The following PCYT1B variants were observed in gnomAD, a reference collection of about 807,000 sequenced individuals.
PCYT1B encodes the protein phosphate cytidylyltransferase 1B, choline.
Under a neutral mutation model 26.4 loss-of-function variants are expected in PCYT1B, and 10 were observed. The observed-to-expected ratio is 0.38, with a 90% CI of 0.23 to 0.64. The LOEUF (loss-of-function observed/expected upper bound fraction) is 0.64, where lower values mean the gene tolerates loss of function less well. Ranked by LOEUF, PCYT1B falls within the 30% of genes least tolerant of loss-of-function variation. The pLI, the probability that PCYT1B is intolerant of heterozygous loss-of-function variation, is 0.56. For missense variants in PCYT1B, 161 were observed against 292.7 expected (o/e 0.55, Z 3.28); for synonymous variants, 131 against 108.4 (o/e 1.21, Z -1.29).
At chrX:24,661,383 T>C (rs1927026224) in intron 1 of PCYT1B, among the ~76,000 whole-genome samples, 1 of 112,132 alleles carries the variant, frequency 8.9e-6, no homozygotes, top group Non-Finnish European at 1.9e-5. Context: ...GGTAATGAAT[T>C]ATGTCCACTT....
Position 24,560,954 on chromosome X carries a change from T to A in PCYT1B, c.*1339A>T, listed in dbSNP as rs962712981. ...TCAGCAGGAACACTTAGAGTCTTCA[T>A]CCTACTTGGCAAACCTAGGGCCAGA... On this transcript the variant is annotated 3_prime_UTR_variant, in exon 8 of 8. Coordinates refer to ENST00000379144, the MANE Select transcript of PCYT1B (RefSeq NM_004845.5). 2 of 112,134 alleles carry A rather than the reference T, an allele frequency of 1.8e-5. No homozygotes were observed. The highest frequency in any genetic ancestry group is 3.2e-5 in the African/African-American group (1 of 30,790). 9.2% of individuals were successfully genotyped at this position (112,134 alleles called of 1,213,427 possible). A position where few individuals can be genotyped will look rare whatever the true frequency, so the allele number is the denominator to read the frequency against.
upstream of PCYT1B, among the ~76,000 whole-genome samples, chrX:24,648,467 T>TTTTTTTTC (rs1926696005): frequency 1.1e-5 from 1 of 91,972 alleles, no homozygotes; most frequent in African/African-American, 4.1e-5. Context: ...TTTTTTTTTT[T>TTTTTTTTC]TTTTTTTTGC....
intron 1 of PCYT1B, among the ~76,000 whole-genome samples, chrX:24,656,233 G>GGC (rs1238975913): frequency 5.0e-5 from 5 of 100,591 alleles, no homozygotes; most frequent in South Asian, 4.9e-4. Flanking sequence ...GGGTCGCGGG[G>GGC]GGGGGTGGTA....
intron 1 of PCYT1B, among the ~76,000 whole-genome samples, chrX:24,667,629 A>G (rs996464761): frequency 9.1e-5 from 10 of 110,039 alleles, no homozygotes; most frequent in African/African-American, 3.3e-4. Context: ...AGGCAGGAGA[A>G]TCGCTTGAAC....
intron 1 of PCYT1B, among the ~76,000 whole-genome samples, chrX:24,669,202 G>A (rs930491170): frequency 5.4e-5 from 6 of 111,762 alleles, no homozygotes; most frequent in Middle Eastern, 4.2e-3. Context: ...GAATAGTCAC[G>A]AGCCACATAT....
chrX:24,630,956 A>T (rs1489249484), intron 1 of PCYT1B, among the ~76,000 whole-genome samples: 5 of 110,611 alleles, frequency 4.5e-5, no homozygotes, highest in Admixed American at 1.9e-4. Context: ...GGAGTCTTGC[A>T]TTGTTGCCCA....
intron 1 of PCYT1B, among the ~76,000 whole-genome samples, chrX:24,667,716 C>CA (rs760826061): frequency 4.4e-4 from 43 of 96,853 alleles, no homozygotes; most frequent in South Asian, 1.4e-3. Context: ...GACTCCATCT[C>CA]AAAAAAAAAA....
chrX:24,593,441 C>CTTTCTTTCT (rs1924648307), intron 3 of PCYT1B, among the ~76,000 whole-genome samples: 1 of 56,760 alleles, frequency 1.8e-5, no homozygotes, highest in East Asian at 5.0e-4. Context: ...TCCTTTCTTT[C>CTTTCTTTCT]TTTCTTTTCT....
chrX:24,630,212 T>TA (rs1926023215), intron 1 of PCYT1B, among the ~76,000 whole-genome samples: 2 of 112,516 alleles, frequency 1.8e-5, no homozygotes, highest in African/African-American at 6.4e-5. Context: ...GAGGTGATTT[T>TA]AAAAATAAAA....
At chrX:24,619,474 C>T (rs1163563170) in intron 1 of PCYT1B, among the ~76,000 whole-genome samples, 4 of 111,834 alleles carry the variant, frequency 3.6e-5, no homozygotes, top group African/African-American at 6.5e-5. Context: ...TTAAGAAATA[C>T]GCCAAGTCAT....
rs996756359 is a variant in PCYT1B, at chrX:24,621,152, C to A, written c.118-2068G>T. On this transcript the variant is annotated intron_variant, in intron 1 of 7. Coordinates refer to ENST00000379144, the MANE Select transcript of PCYT1B (RefSeq NM_004845.5). ...GTCAGGCGCCCACCCTGGGGCCCAACAGATGTGGTGAGGAAAGTCATGAGT... is the reference window on the plus strand; with the variant it reads ...GTCAGGCGCCCACCCTGGGGCCCAAAAGATGTGGTGAGGAAAGTCATGAGT... 3.1e-4 allele frequency among the ~76,000 whole-genome samples: 35 copies of A among 111,868 alleles called. No individual in the cohort carries two copies. The Admixed American group carries it at 3.3e-3, about 10-fold the overall frequency.
At chrX:24,613,547 C>T (rs935449271) in intron 2 of PCYT1B, among the ~76,000 whole-genome samples, 2 of 111,408 alleles carry the variant, frequency 1.8e-5, no homozygotes, top group South Asian at 3.7e-4. Flanking sequence ...TTCATTAAGG[C>T]GGCTCTTGAA....
chrX:24,572,918 T>TTA (rs371692891), intron 7 of PCYT1B, among the ~76,000 whole-genome samples: 10,727 of 96,053 alleles, frequency 0.11, 653 homozygotes, highest in African/African-American at 0.21. Flanking sequence ...TTTCATCAAA[T>TTA]TATATATATA....
At chrX:24,562,897 T>C (rs1435015392) in intron 7 of PCYT1B, among the ~76,000 whole-genome samples, 2 of 109,861 alleles carry the variant, frequency 1.8e-5, no homozygotes, top group Non-Finnish European at 3.8e-5. Context: ...CCGGCTAATT[T>C]TGTATTTTTA....
chrX:24,624,177 A>G (rs368107004), intron 1 of PCYT1B, among the ~76,000 whole-genome samples: 313 of 109,531 alleles, frequency 2.9e-3, no homozygotes, highest in Middle Eastern at 9.4e-3. Context: ...CACTGTGTTA[A>G]CCAGGATGGT....
chrX:24,660,394 G>A lies in PCYT1B; in HGVS notation c.63+12176C>T, dbSNP rs1255745703. Reference sequence around the variant, plus strand: ...AGAGGCCATGTCAAATGACACTAAGGAGGCCAGGTATGGTGGCTCACGCCT... The same window carrying A: ...AGAGGCCATGTCAAATGACACTAAGAAGGCCAGGTATGGTGGCTCACGCCT... On this transcript the variant is annotated intron_variant, in intron 1 of 7. Transcript: ENST00000379145. 6.3e-5 allele frequency among the ~76,000 whole-genome samples: 7 copies of A among 111,999 alleles called. No individual in the cohort carries two copies. In the Admixed American group the frequency reaches 6.6e-4, roughly 11 times the overall value.
At chrX:24,667,587 G>T (rs1053427537) in intron 1 of PCYT1B, among the ~76,000 whole-genome samples, 2 of 109,935 alleles carry the variant, frequency 1.8e-5, no homozygotes, top group Admixed American at 2.0e-4. Flanking sequence ...CATGGTGGTG[G>T]GTGCCTGTAA....
chrX:24,626,035 A>C (rs1182966019), intron 1 of PCYT1B, among the ~76,000 whole-genome samples: 2 of 109,171 alleles, frequency 1.8e-5, no homozygotes, highest in Non-Finnish European at 3.8e-5. Flanking sequence ...AATTGCTTGA[A>C]CTTGGGAGGC....
intron 1 of PCYT1B, among the ~76,000 whole-genome samples, chrX:24,658,601 T>A (rs1386731350): frequency 9.6e-6 from 1 of 104,538 alleles, no homozygotes; most frequent in Non-Finnish European, 1.9e-5. Flanking sequence ...AGCAATTGCA[T>A]CACTCCAGCC....
Sources: gnomAD v4.1 joint callset for allele counts (sites outside exome capture counted in the v4.1 genomes callset) on GRCh38, gnomAD v4.1.1 for gene constraint, MANE v1.5 for transcripts, NCBI Gene and HGNC (gene_info 2026-07-23, HGNC 2026-07-21) for gene names.